TENM2: variants seen among roughly 807,000 people sequenced by gnomAD.
TENM2 encodes teneurin transmembrane protein 2.
In TENM2, 52 loss-of-function variants were observed where a neutral mutation model predicts 245.2. That is an observed-to-expected ratio of 0.21 (90% confidence interval 0.17 to 0.27). The LOEUF (loss-of-function observed/expected upper bound fraction) is 0.27, where lower values mean the gene tolerates loss of function less well. Among genes scored for constraint, TENM2 ranks in the 10% least tolerant of loss-of-function variants. The pLI is 1.00. For missense variants in TENM2, 3,046 were observed against 3,666.8 expected, an observed-to-expected ratio of 0.83 and a Z score of 4.37; for synonymous variants, 1,363 against 1,438.9, an observed-to-expected ratio of 0.95 and a Z score of 1.19.
At chr5:167,754,813 T>C (rs1346034253) in intron 2 of TENM2, 3 of 388,986 alleles carry the variant, frequency 7.7e-6, no homozygotes, top group Admixed American at 8.6e-5. Flanking sequence ...GGACTTGCGG[T>C]TGGCATTTGG....
the TENM2 span, among the ~76,000 whole-genome samples, chr5:167,246,822 G>T: frequency 1.3e-5 from 2 of 151,834 alleles, no homozygotes; most frequent in Non-Finnish European, 2.9e-5. Flanking sequence ...GGGTAGGAAT[G>T]GCCAATTGTG....
intron 2 of TENM2, among the ~76,000 whole-genome samples, chr5:167,452,931 TTATATATATATA>T (rs1554157697): frequency 4.1e-4 from 2 of 4,872 alleles, no homozygotes; most frequent in Non-Finnish European, 1.4e-3. Context: ...AAAGTATGAT[TTATATATATATA>T]TATATATATA....
the TENM2 span, among the ~76,000 whole-genome samples, chr5:167,017,582 A>G: frequency 6.6e-6 from 1 of 152,230 alleles, no homozygotes; most frequent in Non-Finnish European, 1.5e-5. Context: ...GAGCTAGAGG[A>G]TAACTACACT....
rs1432883 is a variant in TENM2, at chr5:167,516,607, T to C, written c.502+141134T>C. Among the ~76,000 whole-genome samples, 57 of 152,342 alleles carry C rather than the reference T, an allele frequency of 3.7e-4. No homozygotes were observed. The East Asian group carries it at 0.011, about 28-fold the overall frequency. On this transcript the variant is annotated intron_variant, in intron 2 of 28. Transcript: ENST00000518659. ...ACCCACCTTCTGCCTAGGCTAATGC[T>C]ATATTAAATTGCATTGAAATGCAAA... is the stretch of plus-strand genomic sequence containing the variant.
At chr5:167,349,101 T>G (rs1305699492) in intron 1 of TENM2, among the ~76,000 whole-genome samples, 1 of 152,222 alleles carries the variant, frequency 6.6e-6, no homozygotes. Context: ...AGCTGTTATA[T>G]TCTGAGTTGC....
the TENM2 span, among the ~76,000 whole-genome samples, chr5:167,275,420 A>G: frequency 6.6e-6 from 1 of 152,114 alleles, no homozygotes; most frequent in South Asian, 2.1e-4. Flanking sequence ...TTTCATAGGA[A>G]TTTCATTCAA....
intron 2 of TENM2, among the ~76,000 whole-genome samples, chr5:167,672,816 G>A (rs1246601337): frequency 6.7e-6 from 1 of 149,956 alleles, no homozygotes; most frequent in African/African-American, 2.5e-5. Flanking sequence ...AGAGTGGTGT[G>A]ACAAATCATT....
At chr5:168,148,104 T>C (rs1322381082) in intron 12 of TENM2, among the ~76,000 whole-genome samples, 1 of 152,104 alleles carries the variant, frequency 6.6e-6, no homozygotes, top group Non-Finnish European at 1.5e-5. Flanking sequence ...AATTTGGGAG[T>C]GTGTACGTGT....
chr5:167,239,649 T>G, the TENM2 span, among the ~76,000 whole-genome samples: 100,543 of 151,762 alleles, frequency 0.66, 35,107 homozygotes, highest in Middle Eastern at 0.86. Context: ...ATGTGTTTGC[T>G]TGTACTCAGT....
At chr5:167,622,319 G>T (rs772992790) in intron 2 of TENM2, among the ~76,000 whole-genome samples, 1 of 152,076 alleles carries the variant, frequency 6.6e-6, no homozygotes, top group African/African-American at 2.4e-5. Flanking sequence ...GCATAAAAGC[G>T]TAGCAATATA....
At chr5:168,081,527 G>A (rs1002442193) in intron 7 of TENM2, among the ~76,000 whole-genome samples, 5 of 152,184 alleles carry the variant, frequency 3.3e-5, no homozygotes, top group East Asian at 1.9e-4. Context: ...TCCTAGCATC[G>A]ATGGTGTTTA....
chr5:167,036,541 C>T, the TENM2 span, among the ~76,000 whole-genome samples: 18 of 152,096 alleles, frequency 1.2e-4, no homozygotes, highest in Non-Finnish European at 1.6e-4. Flanking sequence ...TAAGTTATAT[C>T]GTGGATTCTT....
At chr5:167,437,616 C>G (rs569397640) in intron 2 of TENM2, among the ~76,000 whole-genome samples, 2 of 152,146 alleles carry the variant, frequency 1.3e-5, no homozygotes, top group African/African-American at 4.8e-5. Context: ...GGCTGTGTCC[C>G]CACCCAAATC....
At chr5:167,526,590 T>C (rs897555529) in intron 2 of TENM2, among the ~76,000 whole-genome samples, 3 of 152,076 alleles carry the variant, frequency 2.0e-5, no homozygotes, top group Non-Finnish European at 4.4e-5. Flanking sequence ...TTGTGATTAC[T>C]TTAGAATCAA....
At chr5:167,455,791 T>A (rs577343989) in intron 2 of TENM2, among the ~76,000 whole-genome samples, 51 of 152,274 alleles carry the variant, frequency 3.3e-4, no homozygotes, top group South Asian at 1.5e-3. Flanking sequence ...AGCTTGTTTG[T>A]ATGCAACAGC....
intron 12 of TENM2, among the ~76,000 whole-genome samples, chr5:168,141,648 A>G (rs1031101627): frequency 1.3e-5 from 2 of 152,256 alleles, no homozygotes; most frequent in African/African-American, 2.4e-5. Context: ...TTCCCAGTAG[A>G]TCAAAATCAA....
intron 2 of TENM2, among the ~76,000 whole-genome samples, chr5:167,445,953 T>C (rs562251441): frequency 6.6e-6 from 1 of 152,248 alleles, no homozygotes; most frequent in East Asian, 1.9e-4. Flanking sequence ...CTAAATGGTG[T>C]CATTGTGGAT....
At chr5:167,084,348 T>TAC in the TENM2 span, among the ~76,000 whole-genome samples, 394 of 100,094 alleles carry the variant, frequency 3.9e-3, 18 homozygotes, top group African/African-American at 0.014. Flanking sequence ...TATATATATA[T>TAC]ATATATATAT....
At chr5:167,278,218 C>G in the TENM2 span, among the ~76,000 whole-genome samples, 1 of 151,990 alleles carries the variant, frequency 6.6e-6, no homozygotes, top group Non-Finnish European at 1.5e-5. Flanking sequence ...ACAGGAAGAT[C>G]GCTTGTGTCT....
Sources: gnomAD v4.1 joint callset for allele counts (sites outside exome capture counted in the v4.1 genomes callset) on GRCh38, gnomAD v4.1.1 for gene constraint, MANE v1.5 for transcripts, NCBI Gene and HGNC (gene_info 2026-07-23, HGNC 2026-07-21) for gene names.